The following PEX5L variants were observed in gnomAD, a reference collection of about 807,000 sequenced individuals.
PEX5L encodes peroxisomal biogenesis factor 5 like.
Under a neutral mutation model 84.0 loss-of-function variants are expected in PEX5L, and 30 were observed. That is an observed-to-expected ratio of 0.36 (90% CI 0.27 to 0.48). The LOEUF (loss-of-function observed/expected upper bound fraction) is 0.48, where lower values mean the gene tolerates loss of function less well. PEX5L is among the 20% of genes least tolerant of loss of function. The pLI, the probability that PEX5L is intolerant of heterozygous loss-of-function variation, is 0.99. For synonymous variants in PEX5L, 270 were observed against 283.1 expected, an observed-to-expected ratio of 0.95 and a Z score of 0.46; for missense variants, 533 against 754.6, an observed-to-expected ratio of 0.71 and a Z score of 3.44.
Position 179,909,032 on chromosome 3 carries a change from C to T in PEX5L, c.94-10786G>A, listed in dbSNP as rs982630908. Among the ~76,000 whole-genome samples, 6 of 152,262 alleles carry T rather than the reference C, an allele frequency of 3.9e-5. No homozygotes were observed. In the East Asian group the frequency reaches 1.2e-3, roughly 29 times the overall value. Reference sequence around the variant, plus strand: ...AATATGAATTGACTATGAACTATGACTGCTAAGCTCATGGGCTCTGTTGGC... The same window carrying T: ...AATATGAATTGACTATGAACTATGATTGCTAAGCTCATGGGCTCTGTTGGC... On this transcript the variant is annotated intron_variant, in intron 2 of 14. Coordinates refer to ENST00000467460, the MANE Select transcript of PEX5L (RefSeq NM_016559.3).
rs936370799 is a variant in PEX5L, at chr3:179,800,394, G to A, written c.*1434C>T. The A allele has an allele frequency of 2.0e-5, 3 of 152,162 alleles. No homozygotes were observed. Among genetic ancestry groups the A allele is most frequent in the Non-Finnish European group, 4.4e-5 (3 of 68,028 alleles). 9.4% of individuals were successfully genotyped at this position (152,162 alleles called of 1,614,324 possible). A position where few individuals can be genotyped will look rare whatever the true frequency, so the allele number is the denominator to read the frequency against. The stretch of plus-strand genomic sequence containing the variant: ...GGTTCTAGACGAAGGAAGGAGACCA[G>A]GTAAAGAAGAATGGGATAACTTCTA... On this transcript the variant is annotated 3_prime_UTR_variant, in exon 15 of 15. Transcript: ENST00000467460.
At chr3:180,008,248 C>T (rs1789103726) in intron 1 of PEX5L, among the ~76,000 whole-genome samples, 1 of 152,212 alleles carries the variant, frequency 6.6e-6, no homozygotes, top group African/African-American at 2.4e-5. Context: ...CTGCCAGTCT[C>T]TTTGCTAAAA....
intron 1 of PEX5L, among the ~76,000 whole-genome samples, chr3:179,995,372 G>A (rs1007845417): frequency 6.6e-6 from 1 of 151,714 alleles, no homozygotes; most frequent in Non-Finnish European, 1.5e-5. Context: ...TTGGTTTTGG[G>A]GTTTCTGGAG....
chr3:179,971,543 C>T, intron 2 of PEX5L, 51 bp downstream of exon 2: 1 of 1,549,426 alleles, frequency 6.5e-7, no homozygotes, highest in South Asian at 1.3e-5. Flanking sequence ...AGGCTTTAGT[C>T]ATCAAAATAT....
intron 2 of PEX5L, among the ~76,000 whole-genome samples, chr3:179,967,844 G>A (rs1333822263): frequency 6.6e-6 from 1 of 152,168 alleles, no homozygotes; most frequent in African/African-American, 2.4e-5. Flanking sequence ...CAAATTGTCA[G>A]GCTGCACGCA....
At position 179,808,945 on chromosome 3, in the gene PEX5L, GCCCTTGTAGT is replaced by G. The variant is rs1722541284; in HGVS notation, c.1352+516_1353-509del. Among the ~76,000 whole-genome samples, 3 of 151,542 alleles carry G rather than the reference GCCCTTGTAGT, an allele frequency of 2.0e-5. No homozygotes were observed. In the South Asian group the frequency reaches 6.2e-4, roughly 32 times the overall value. ...AAAAATTAGCCGGGCGTGTTGGCGGGCCCTTGTAGTCCCAGCTGCTCGGGAGGCTGAGGCA... is the reference window on the plus strand; with the variant it reads ...AAAAATTAGCCGGGCGTGTTGGCGGGCCCAGCTGCTCGGGAGGCTGAGGCA... On this transcript the variant is annotated intron_variant, in intron 12 of 14. Transcript: ENST00000467460.
chr3:179,916,124 T>G (rs1006517745), intron 2 of PEX5L, among the ~76,000 whole-genome samples: 2 of 152,188 alleles, frequency 1.3e-5, no homozygotes, highest in Admixed American at 6.5e-5. Flanking sequence ...TGCCATATAC[T>G]TCATACATAT....
chr3:179,846,020 A>G (rs1028201088), intron 8 of PEX5L, among the ~76,000 whole-genome samples: 1 of 152,106 alleles, frequency 6.6e-6, no homozygotes, highest in African/African-American at 2.4e-5. Flanking sequence ...AAATACAAAA[A>G]TTAGCCGGCC....
chr3:180,027,826 G>GT (rs964218675), intron 1 of PEX5L, among the ~76,000 whole-genome samples: 18 of 151,974 alleles, frequency 1.2e-4, no homozygotes, highest in East Asian at 5.8e-4. Flanking sequence ...GCTTTTTCTT[G>GT]TTTTTTCATG....
At chr3:180,014,783 C>T (rs1309711000) in intron 1 of PEX5L, among the ~76,000 whole-genome samples, 1 of 151,358 alleles carries the variant, frequency 6.6e-6, no homozygotes, top group Non-Finnish European at 1.5e-5. Context: ...TTTTTTCTAG[C>T]AGAGGAACAA....
chr3:179,903,561 C>T (rs1157715585), intron 2 of PEX5L, among the ~76,000 whole-genome samples: 1 of 152,058 alleles, frequency 6.6e-6, no homozygotes, highest in East Asian at 1.9e-4. Context: ...CTAAAAAATT[C>T]TGGACCCTGG....
At chr3:179,883,153 T>G (rs1288597564) in intron 4 of PEX5L, among the ~76,000 whole-genome samples, 1 of 152,156 alleles carries the variant, frequency 6.6e-6, no homozygotes, top group Non-Finnish European at 1.5e-5. Context: ...CACATGTGTG[T>G]GTATGCGTGT....
At chr3:179,887,418 T>C (rs2302742) in intron 4 of PEX5L, among the ~76,000 whole-genome samples, 41,264 of 152,148 alleles carry the variant, frequency 0.27, 6,073 homozygotes, top group Non-Finnish European at 0.33. Context: ...TAGATATAAA[T>C]ATGCAAATAT....
intron 7 of PEX5L, among the ~76,000 whole-genome samples, chr3:179,866,461 A>C (rs763045096): frequency 6.6e-6 from 1 of 152,222 alleles, no homozygotes; most frequent in Non-Finnish European, 1.5e-5. Flanking sequence ...TCTGTAAAGC[A>C]TACGGTCACA....
At chr3:179,982,152 A>C (rs534583445) in intron 1 of PEX5L, among the ~76,000 whole-genome samples, 4 of 152,312 alleles carry the variant, frequency 2.6e-5, no homozygotes, top group Non-Finnish European at 5.9e-5. Context: ...AGGTAGAGTA[A>C]GGGACACTTG....
chr3:179,858,137 C>A (rs977906641), intron 8 of PEX5L, among the ~76,000 whole-genome samples: 2 of 152,140 alleles, frequency 1.3e-5, no homozygotes, highest in African/African-American at 4.8e-5. Context: ...GTAATCCTTT[C>A]ATGCAAATTC....
At chr3:179,944,712 A>T (rs6764598) in intron 2 of PEX5L, among the ~76,000 whole-genome samples, 104,685 of 152,132 alleles carry the variant, frequency 0.69, 37,092 homozygotes, top group African/African-American at 0.86. Flanking sequence ...TGCCCATTTT[A>T]AGGCCGTTTT....
chr3:179,828,097 C>T (rs982149412), intron 8 of PEX5L, among the ~76,000 whole-genome samples: 22 of 152,072 alleles, frequency 1.4e-4, no homozygotes, highest in African/African-American at 4.8e-4. Context: ...AAGGTAGGTT[C>T]AACCAGAATC....
At chr3:179,891,850 T>C (rs1296502065) in intron 3 of PEX5L, among the ~76,000 whole-genome samples, 1 of 152,166 alleles carries the variant, frequency 6.6e-6, no homozygotes, top group East Asian at 1.9e-4. Context: ...AACAAATACA[T>C]GTTTTAGATC....
Sources: allele counts gnomAD v4.1 joint callset (sites outside exome capture counted in the v4.1 genomes callset), GRCh38; gene constraint gnomAD v4.1.1; transcripts MANE v1.5; gene names NCBI Gene and HGNC (gene_info 2026-07-23, HGNC 2026-07-21).